CCDC57: variants seen among roughly 807,000 people sequenced by gnomAD.
CCDC57 encodes coiled-coil domain containing 57.
CCDC57 carries 118 observed loss-of-function variants against 118.9 expected under a neutral mutation model. The ratio of observed to expected loss-of-function variants is 0.99; its 90% CI spans 0.86 to 1.16. CCDC57 has a LOEUF of 1.16. CCDC57 is among the 50% of genes most tolerant of loss of function. The pLI is 0.00. For missense variants in CCDC57, 1,300 were observed against 1,320.7 expected (o/e 0.98, Z 0.24); for synonymous variants, 527 against 532.9 (o/e 0.99, Z 0.15).
At chr17:82,128,510 C>A in exon 18 of CCDC57, 1 of 1,561,592 alleles carries the variant, frequency 6.4e-7, no homozygotes, top group East Asian at 2.4e-5. Flanking sequence ...CCTTGCAGGG[C>A]GTCAAGTCTG....
intron 13 of CCDC57, among the ~76,000 whole-genome samples, chr17:82,166,024 C>T (rs969812020): frequency 2.6e-5 from 4 of 152,092 alleles, no homozygotes; most frequent in African/African-American, 7.2e-5. Context: ...CAGGAGGCTG[C>T]TTGTAATTCC....
At chr17:82,184,025 G>GCACACACACACA (rs1432239867) in intron 8 of CCDC57, 93 bp from the exon 8 acceptor site, 15 of 388,320 alleles carry the variant, frequency 3.9e-5, no homozygotes, top group East Asian at 2.0e-4. Context: ...ATGCGCGCGC[G>GCACACACACACA]CGCGCGCACA....
chr17:82,167,999 T>C (rs368194303), intron 13 of CCDC57, among the ~76,000 whole-genome samples: 1 of 152,242 alleles, frequency 6.6e-6, no homozygotes, highest in African/African-American at 2.4e-5. Context: ...CTCCTGACAT[T>C]CCTAGTTTCC....
chr17:82,186,445 G>A (rs898014612), intron 8 of CCDC57, among the ~76,000 whole-genome samples: 35 of 152,072 alleles, frequency 2.3e-4, no homozygotes, highest in Non-Finnish European at 4.4e-4. Context: ...CCCGTATACC[G>A]ACCACAGAGG....
At chr17:82,187,913 T>C (rs2047174410) in intron 8 of CCDC57, among the ~76,000 whole-genome samples, 2 of 151,964 alleles carry the variant, frequency 1.3e-5, no homozygotes, top group Non-Finnish European at 2.9e-5. Context: ...ACAACGTGAA[T>C]GTGCCTAATG....
chr17:82,142,913 C>T (rs2145610169), intron 16 of CCDC57, among the ~76,000 whole-genome samples: 2 of 152,088 alleles, frequency 1.3e-5, no homozygotes, highest in Middle Eastern at 6.8e-3. Context: ...GCCTGTAATC[C>T]CAGCACTTTG....
intron 13 of CCDC57, among the ~76,000 whole-genome samples, chr17:82,169,158 G>A (rs186822660): frequency 7.2e-5 from 11 of 152,112 alleles, no homozygotes; most frequent in South Asian, 4.2e-4. Flanking sequence ...ATGGAGTCTC[G>A]CTCTGTTACC....
At chr17:82,165,057 C>T (rs770388459) in intron 13 of CCDC57, among the ~76,000 whole-genome samples, 8 of 152,138 alleles carry the variant, frequency 5.3e-5, no homozygotes, top group Non-Finnish European at 1.0e-4. Flanking sequence ...TGTGGTGGCT[C>T]ACACCTGTAA....
At chr17:82,137,013 CTTT>C (rs36143411) in intron 16 of CCDC57, among the ~76,000 whole-genome samples, 3 of 125,206 alleles carry the variant, frequency 2.4e-5, no homozygotes. Flanking sequence ...TGGTGTACTA[CTTT>C]TTTTTTTTTT....
Position 82,115,090 on chromosome 17 carries a change from G to A in CCDC57, c.2899+12602C>T, listed in dbSNP as rs140983149. Among the ~76,000 whole-genome samples the A allele has an allele frequency of 4.2e-4, 64 of 152,358 alleles. No homozygotes were observed. In the East Asian group the frequency reaches 0.01, roughly 24 times the overall value. ...TGCAGAGGAGGCTCTGGCCTGGACT[G>A]GATCCAGGGCTTGGATTCAGATCCT... is the stretch of plus-strand genomic sequence containing the variant. On this transcript the variant is annotated intron_variant, in intron 19 of 19. Coordinates refer to ENST00000665763, the Ensembl canonical transcript of CCDC57.
intron 19 of CCDC57, among the ~76,000 whole-genome samples, chr17:82,125,163 G>A (rs1038287083): frequency 2.2e-4 from 33 of 152,218 alleles, no homozygotes; most frequent in African/African-American, 7.5e-4. Flanking sequence ...GGGAAGCTGC[G>A]TCAATCCTAA....
At chr17:82,184,309 C>A (rs1478362307) in intron 8 of CCDC57, among the ~76,000 whole-genome samples, 1 of 151,976 alleles carries the variant, frequency 6.6e-6, no homozygotes, top group Admixed American at 6.5e-5. Flanking sequence ...GAGGTAGCAA[C>A]ACCTCTGACC....
chr17:82,160,914 C>G (rs1414520571), intron 14 of CCDC57, among the ~76,000 whole-genome samples: 1 of 134,324 alleles, frequency 7.4e-6, no homozygotes, highest in Non-Finnish European at 1.6e-5. Flanking sequence ...AGTGAAAAGA[C>G]AAACCACAGA....
chr17:82,133,423 C>T (rs1365960616), intron 17 of CCDC57, among the ~76,000 whole-genome samples: 1 of 131,162 alleles, frequency 7.6e-6, no homozygotes, highest in Non-Finnish European at 1.6e-5. Flanking sequence ...CAGAGCCAGG[C>T]CCTGTCTCAA....
exon 14 of CCDC57, chr17:82,163,327 C>A (rs1260069892): frequency 1.1e-5 from 17 of 1,613,576 alleles, no homozygotes; most frequent in Non-Finnish European, 1.4e-5. Context: ...TTGGACAGAC[C>A]CTCCGGCTTG....
chr17:82,160,617 G>A (rs1031532541), intron 14 of CCDC57, among the ~76,000 whole-genome samples: 9 of 152,180 alleles, frequency 5.9e-5, no homozygotes, highest in Non-Finnish European at 1.2e-4. Context: ...GCTCATACCT[G>A]TAATCCTAGC....
chr17:82,169,655 AAGGGGCCAC>A (rs1366609748), intron 13 of CCDC57, among the ~76,000 whole-genome samples: 1 of 152,140 alleles, frequency 6.6e-6, no homozygotes, highest in Non-Finnish European at 1.5e-5. Flanking sequence ...CAAATAGGGG[AAGGGGCCAC>A]AGCAGCAATG....
intron 5 of CCDC57, 56 bp from the exon 5 acceptor site, chr17:82,194,195 A>AGTATGTACCCCTAATGCC: frequency 1.3e-6 from 2 of 1,560,814 alleles, no homozygotes; most frequent in Non-Finnish European, 1.8e-6. Flanking sequence ...ACACTGAGGC[A>AGTATGTACCCCTAATGCC]TTAGGGGTAC....
intron 16 of CCDC57, among the ~76,000 whole-genome samples, chr17:82,136,654 G>A (rs1459174749): frequency 6.6e-6 from 1 of 151,196 alleles, no homozygotes; most frequent in African/African-American, 2.4e-5. Context: ...CTGGAGTGCA[G>A]TGGTGCAATC....
Sources: allele counts gnomAD v4.1 joint callset (sites outside exome capture counted in the v4.1 genomes callset), GRCh38; gene constraint gnomAD v4.1.1; transcripts MANE v1.5; gene names NCBI Gene and HGNC (gene_info 2026-07-23, HGNC 2026-07-21).